The following RGS6 variants were observed in gnomAD, a reference collection of about 807,000 sequenced individuals.
The protein encoded by RGS6 is regulator of G-protein signaling 6.
A neutral mutation model predicts 78.5 loss-of-function variants in RGS6; 30 were observed. The observed-to-expected ratio is 0.38, with a 90% CI of 0.29 to 0.52. RGS6 has a LOEUF of 0.52. Among genes scored for constraint, RGS6 ranks in the 20% least tolerant of loss-of-function variants. The pLI is 0.85. For missense variants in RGS6, 495 were observed against 609.7 expected (o/e 0.81, Z 1.98); for synonymous variants, 206 against 206.0 (o/e 1.00, Z 0.00).
chr14:72,147,126 A>C (rs1188956411), intron 2 of RGS6, among the ~76,000 whole-genome samples: 1 of 152,200 alleles, frequency 6.6e-6, no homozygotes, highest in African/African-American at 2.4e-5. Context: ...GTTTCTCTGC[A>C]GTTCTTTTCT....
chr14:72,452,372 A>G (rs1440813277), intron 3 of RGS6, among the ~76,000 whole-genome samples: 1 of 152,146 alleles, frequency 6.6e-6, no homozygotes, highest in Non-Finnish European at 1.5e-5. Context: ...GGCGCGGGGA[A>G]ACTGCAAAAT....
At position 72,322,802 on chromosome 14, in the gene RGS6, CCAT is replaced by C. The variant is rs1216155232; in HGVS notation, c.85-29292_85-29290del. On this transcript the variant is annotated intron_variant, in intron 2 of 17. Coordinates refer to ENST00000553525, the MANE Select transcript of RGS6 (RefSeq NM_001204424.2). ...AAAATTAAGAATCACTTTATCATCT[CCAT>C]AAATACTTGAACAGGTGTTTGATAA... is the stretch of plus-strand genomic sequence containing the variant. Among the ~76,000 whole-genome samples the C allele has an allele frequency of 3.3e-5, 5 of 152,152 alleles. No homozygotes were observed. The East Asian group carries it at 9.6e-4, about 29-fold the overall frequency.
At chr14:72,493,501 GAA>G (rs34173663) in intron 12 of RGS6, among the ~76,000 whole-genome samples, 44,051 of 151,556 alleles carry the variant, frequency 0.29, 6,637 homozygotes, top group South Asian at 0.42. Flanking sequence ...TATTGAACTG[GAA>G]AAAAAAATAT....
chr14:72,474,340 A>T (rs1325812012), intron 9 of RGS6, among the ~76,000 whole-genome samples: 3 of 152,204 alleles, frequency 2.0e-5, no homozygotes, highest in African/African-American at 4.8e-5. Flanking sequence ...GTAAAAAAAA[A>T]TTTTAAGGAC....
At position 72,099,074 on chromosome 14, in the gene RGS6, T is replaced by C. The variant is rs559340192; in HGVS notation, c.84+134199T>C. Among the ~76,000 whole-genome samples, 5 of 152,364 alleles carry C rather than the reference T, an allele frequency of 3.3e-5. 1 individual carries two copies. The South Asian group carries it at 1.0e-3, about 32-fold the overall frequency. Reference sequence around the variant, plus strand: ...CTGTTTGTATTGAGTATTTACTATATATTAGTTACTGTTCTAAGTATAAAC... The same window carrying C: ...CTGTTTGTATTGAGTATTTACTATACATTAGTTACTGTTCTAAGTATAAAC... On this transcript the variant is annotated intron_variant, in intron 2 of 17. Transcript: ENST00000553525.
intron 2 of RGS6, among the ~76,000 whole-genome samples, chr14:72,194,973 C>G (rs546153944): frequency 6.6e-6 from 1 of 152,166 alleles, no homozygotes; most frequent in South Asian, 2.1e-4. Context: ...TTTGGGAGGC[C>G]GAGGCAGGCG....
chr14:71,902,135 C>T, the RGS6 span, among the ~76,000 whole-genome samples: 212 of 152,180 alleles, frequency 1.4e-3, no homozygotes, highest in African/African-American at 4.7e-3. Context: ...GAAAACCAAC[C>T]TGCTTCAGAA....
At chr14:72,574,041 G>A in the RGS6 span, among the ~76,000 whole-genome samples, 32 of 152,228 alleles carry the variant, frequency 2.1e-4, no homozygotes, top group East Asian at 5.8e-4. Flanking sequence ...GCTCTACTGC[G>A]GAAGCATGCT....
At chr14:72,240,940 C>T (rs773054883) in intron 2 of RGS6, among the ~76,000 whole-genome samples, 16 of 152,028 alleles carry the variant, frequency 1.1e-4, no homozygotes, top group Non-Finnish European at 1.8e-4. Flanking sequence ...AGGTGGATCA[C>T]GAGGTCAGGA....
At chr14:72,241,216 A>C (rs34122902) in intron 2 of RGS6, among the ~76,000 whole-genome samples, 8,696 of 152,014 alleles carry the variant, frequency 0.057, 369 homozygotes, top group East Asian at 0.27. Context: ...GAGAAGGAAA[A>C]GAAAAAAAGC....
downstream of RGS6, among the ~76,000 whole-genome samples, chr14:72,571,207 C>T (rs1480193148): frequency 1.3e-5 from 2 of 152,302 alleles, no homozygotes; most frequent in Admixed American, 6.5e-5. Context: ...GGCCCAGAAA[C>T]ATCCAGTGAC....
rs577710202 is a variant in RGS6 at position 72,322,446 on chromosome 14, A to G, written c.85-29649A>G. Among the ~76,000 whole-genome samples the G allele has an allele frequency of 2.6e-5, 4 of 152,172 alleles. No individual in the cohort carries two copies. In the South Asian group the frequency reaches 6.2e-4, roughly 24 times the overall value. On this transcript the variant is annotated intron_variant, in intron 2 of 17. Coordinates refer to ENST00000553525, the MANE Select transcript of RGS6 (RefSeq NM_001204424.2). Reference sequence around the variant, plus strand: ...AGCAAACCTCTTGAAAGAAAACACCAGTCCTGGAATATTTCACAGATTACT... The same window carrying G: ...AGCAAACCTCTTGAAAGAAAACACCGGTCCTGGAATATTTCACAGATTACT...
chr14:71,989,407 A>G (rs2094858929), intron 2 of RGS6, among the ~76,000 whole-genome samples: 1 of 152,254 alleles, frequency 6.6e-6, no homozygotes. Context: ...CTCATAGGCA[A>G]GATACTCTAA....
intron 3 of RGS6, among the ~76,000 whole-genome samples, chr14:72,387,845 T>TG (rs760704923): frequency 6.6e-6 from 1 of 152,084 alleles, no homozygotes; most frequent in Non-Finnish European, 1.5e-5. Context: ...AAGATCATGG[T>TG]GGGGGCAGGG....
At position 72,479,730 on chromosome 14, in the gene RGS6, C is replaced by T. The variant is rs556878266; in HGVS notation, c.854+1401C>T. 8.0e-4 allele frequency among the ~76,000 whole-genome samples: 122 copies of T among 152,308 alleles called. 1 individual carries two copies. Among genetic ancestry groups the T allele is most frequent in the African/African-American group, 2.9e-3 (120 of 41,568 alleles). The stretch of plus-strand genomic sequence containing the variant: ...TGGCTTCTGGCCAGAGTACCAGGCT[C>T]TGAAAATGCTTTTTAGGTCTCACTG... On this transcript the variant is annotated intron_variant, in intron 12 of 17. Coordinates refer to ENST00000553525, the MANE Select transcript of RGS6 (RefSeq NM_001204424.2).
chr14:72,313,518 A>G (rs942989194), intron 2 of RGS6, among the ~76,000 whole-genome samples: 1 of 152,046 alleles, frequency 6.6e-6, no homozygotes, highest in Non-Finnish European at 1.5e-5. Context: ...ATTTACTCTT[A>G]CACTTCCTGC....
chr14:72,305,217 T>C (rs547996860), intron 2 of RGS6, among the ~76,000 whole-genome samples: 71 of 152,348 alleles, frequency 4.7e-4, no homozygotes, highest in Middle Eastern at 3.4e-3. Context: ...ATATCACTTA[T>C]CATTTGTCTT....
chr14:72,133,325 G>T (rs1027639191), intron 2 of RGS6, among the ~76,000 whole-genome samples: 12 of 151,730 alleles, frequency 7.9e-5, no homozygotes, highest in Non-Finnish European at 1.3e-4. Flanking sequence ...TGGATGTCAA[G>T]ATATACTCTA....
chr14:72,009,697 A>C (rs1160432812), intron 2 of RGS6, among the ~76,000 whole-genome samples: 1 of 152,234 alleles, frequency 6.6e-6, no homozygotes, highest in Non-Finnish European at 1.5e-5. Flanking sequence ...CTAGACCCTC[A>C]GAAACCATAG....
Sources: gnomAD v4.1 joint callset for allele counts (sites outside exome capture counted in the v4.1 genomes callset) on GRCh38, gnomAD v4.1.1 for gene constraint, MANE v1.5 for transcripts, NCBI Gene and HGNC (gene_info 2026-07-23, HGNC 2026-07-21) for gene names.